ASTN2: variants seen among roughly 807,000 people sequenced by gnomAD.
The protein encoded by ASTN2 is astrotactin 2, also known as astrotactin-2.
A neutral mutation model predicts 139.8 loss-of-function variants in ASTN2; 54 were observed. That is an observed-to-expected ratio of 0.39 (90% confidence interval 0.31 to 0.48). The LOEUF (loss-of-function observed/expected upper bound fraction) is 0.48. Among genes scored for constraint, ASTN2 ranks in the 20% least tolerant of loss-of-function variants. The pLI, the probability that ASTN2 is intolerant of heterozygous loss-of-function variation, is 0.95. For missense variants in ASTN2, 1,565 were observed against 1,725.1 expected, an observed-to-expected ratio of 0.91 and a Z score of 1.64; for synonymous variants, 756 against 719.5, an observed-to-expected ratio of 1.05 and a Z score of -0.81.
intron 11 of ASTN2, among the ~76,000 whole-genome samples, chr9:116,825,776 G>A (rs373973398): frequency 3.2e-4 from 49 of 152,190 alleles, no homozygotes; most frequent in African/African-American, 1.0e-3. Flanking sequence ...CCTGACATAC[G>A]AAGTGCCTAA....
At chr9:116,838,135 A>T (rs1832072068) in intron 11 of ASTN2, among the ~76,000 whole-genome samples, 1 of 143,262 alleles carries the variant, frequency 7.0e-6, no homozygotes, top group Non-Finnish European at 1.5e-5. Flanking sequence ...TTTGAGACAG[A>T]GTCACGCTCT....
rs1861073701 is a variant in ASTN2, at chr9:116,699,611, C to CCTAA, written c.2806+26156_2806+26159dup. On this transcript the variant is annotated intron_variant, in intron 16 of 22. Transcript: ENST00000313400. The surrounding 1 kb of genome is among the most constrained non-coding windows in gnomAD (Gnocchi z 4.2). ...GACTTACCTGTCCGGTGGGCATAGC[C>CCTAA]CTAACTCCTAAGGGGCAGCTGCTGG... is the stretch of plus-strand genomic sequence containing the variant. 1 of 1,614,104 alleles carries CCTAA rather than the reference C, an allele frequency of 6.2e-7. No homozygotes were observed. The highest frequency in any genetic ancestry group is 8.5e-7 in the Non-Finnish European group (1 of 1,180,020).
chr9:116,797,586 G>C (rs1564272626), intron 13 of ASTN2, among the ~76,000 whole-genome samples: 1 of 152,306 alleles, frequency 6.6e-6, no homozygotes, highest in East Asian at 1.9e-4. Flanking sequence ...CTAAGAGCTT[G>C]AATACTGCAG....
rs185508786 is a variant in ASTN2 at position 116,859,008 on chromosome 9, T to C, written c.2040+4575A>G. On this transcript the variant is annotated intron_variant, in intron 11 of 22. Coordinates refer to ENST00000313400, the MANE Select transcript of ASTN2 (RefSeq NM_001365068.1). ...GCAGGGTTGCATTCCTTTCTGGAGG[T>C]TCCAGAGGTAAGTCTTTCTCTTTGC... Among the ~76,000 whole-genome samples, 21 of 152,258 alleles carry C rather than the reference T, an allele frequency of 1.4e-4. No individual in the cohort carries two copies. In the East Asian group the frequency reaches 2.9e-3, roughly 21 times the overall value.
intron 4 of ASTN2, among the ~76,000 whole-genome samples, chr9:117,129,367 G>A (rs530115619): frequency 6.6e-4 from 100 of 152,044 alleles, no homozygotes; most frequent in Non-Finnish European, 1.0e-3. Flanking sequence ...ACGACTTTCA[G>A]ACAGATAAAA....
chr9:117,378,020 T>A (rs1485172329), intron 1 of ASTN2, among the ~76,000 whole-genome samples: 1 of 152,240 alleles, frequency 6.6e-6, no homozygotes, highest in Admixed American at 6.5e-5. Context: ...AGAATGGAAC[T>A]ATCACTTTCT....
chr9:116,763,812 C>T lies in ASTN2; in HGVS notation c.2397-30289G>A, dbSNP rs969519490. Among the ~76,000 whole-genome samples, 4 of 152,174 alleles carry T rather than the reference C, an allele frequency of 2.6e-5. No homozygotes were observed. In the South Asian group the frequency reaches 8.3e-4, roughly 32 times the overall value. ...GTTAATAGTAGATACCCAGTAAGCT[C>T]TCCTATGGTTTCTTTTTTCTGCAAC... is the stretch of plus-strand genomic sequence containing the variant. On this transcript the variant is annotated intron_variant, in intron 13 of 22. Coordinates refer to ENST00000313400, the MANE Select transcript of ASTN2 (RefSeq NM_001365068.1).
At chr9:116,454,128 G>C (rs151225339) in intron 20 of ASTN2, among the ~76,000 whole-genome samples, 86 of 152,292 alleles carry the variant, frequency 5.6e-4, no homozygotes, top group African/African-American at 2.0e-3. Context: ...AAGGAAGAGG[G>C]AACACTGACA....
chr9:117,273,308 C>A (rs1031956214), intron 2 of ASTN2, among the ~76,000 whole-genome samples: 1 of 152,174 alleles, frequency 6.6e-6, no homozygotes, highest in Non-Finnish European at 1.5e-5. Flanking sequence ...CATGGGAATT[C>A]TGGAAGATAC....
At chr9:116,450,782 G>A (rs998547932) in intron 20 of ASTN2, among the ~76,000 whole-genome samples, 3 of 152,104 alleles carry the variant, frequency 2.0e-5, no homozygotes, top group African/African-American at 2.4e-5. Context: ...ACCCACCCTC[G>A]AGCACCAGAA....
chr9:117,382,630 C>T (rs192006882), intron 1 of ASTN2, among the ~76,000 whole-genome samples: 1 of 152,272 alleles, frequency 6.6e-6, no homozygotes, highest in East Asian at 1.9e-4. Flanking sequence ...TTTCAACACA[C>T]ACCCAACTCG....
At chr9:116,557,559 A>T (rs546576849) in intron 19 of ASTN2, 1 of 152,288 alleles carries the variant, frequency 6.6e-6, no homozygotes, top group Non-Finnish European at 1.5e-5. Flanking sequence ...ATGCCAAGAG[A>T]TGGATGGCCA....
At chr9:117,063,714 G>A (rs1839365287) in intron 5 of ASTN2, among the ~76,000 whole-genome samples, 1 of 152,104 alleles carries the variant, frequency 6.6e-6, no homozygotes, top group Non-Finnish European at 1.5e-5. Context: ...GCTAGCCTGG[G>A]AACACTGCCC....
intron 10 of ASTN2, among the ~76,000 whole-genome samples, chr9:116,953,999 G>A (rs1322646651): frequency 2.0e-5 from 3 of 152,120 alleles, no homozygotes; most frequent in Admixed American, 1.3e-4. Flanking sequence ...AAGCTTGGGC[G>A]GGTTACACAG....
In ASTN2 at chr9:116,429,339, GAAAA is replaced by G. The variant is rs34731241; in HGVS notation, c.3783-3255_3783-3252del. Among the ~76,000 whole-genome samples the G allele has an allele frequency of 6.6e-5, 6 of 90,848 alleles. No individual in the cohort carries two copies. The East Asian group carries it at 1.2e-3, about 18-fold the overall frequency. 59.6% of individuals were successfully genotyped at this position (90,848 alleles called of 152,430 possible). A position where few individuals can be genotyped will look rare whatever the true frequency, so the allele number is the denominator to read the frequency against. On this transcript the variant is annotated intron_variant, in intron 22 of 22. Transcript: ENST00000313400. ...GGGCAACAATAGCGAAACTCTATCTGAAAAAAAAAAAAAAAAAAAAAGTAACCAA... is the reference window on the plus strand; with the variant it reads ...GGGCAACAATAGCGAAACTCTATCTGAAAAAAAAAAAAAAAAAGTAACCAA...
At chr9:116,457,609 T>C (rs1237979354) in intron 20 of ASTN2, among the ~76,000 whole-genome samples, 1 of 152,162 alleles carries the variant, frequency 6.6e-6, no homozygotes, top group Non-Finnish European at 1.5e-5. Flanking sequence ...GTGCTCAACA[T>C]CATTGATCAT....
intron 4 of ASTN2, among the ~76,000 whole-genome samples, chr9:117,117,687 CTGAGT>C (rs1341246536): frequency 2.0e-5 from 3 of 152,208 alleles, no homozygotes; most frequent in African/African-American, 7.2e-5. Context: ...ATCCTGTTTG[CTGAGT>C]TATTAGCCTG....
intron 7 of ASTN2, among the ~76,000 whole-genome samples, chr9:116,994,031 A>G (rs962613859): frequency 6.6e-6 from 1 of 151,898 alleles, no homozygotes; most frequent in Middle Eastern, 3.2e-3. Context: ...CTTGATAAAT[A>G]TATACTGAAC....
chr9:117,137,108 C>G (rs1445477231), intron 4 of ASTN2, among the ~76,000 whole-genome samples: 1 of 152,180 alleles, frequency 6.6e-6, no homozygotes, highest in Non-Finnish European at 1.5e-5. Context: ...GGAGTGGCTC[C>G]TTAATAGCAG....
Sources: gnomAD v4.1 joint callset for allele counts (sites outside exome capture counted in the v4.1 genomes callset) on GRCh38, gnomAD v4.1.1 for gene constraint, Gnocchi (gnomAD v3.1) non-coding constraint, MANE v1.5 for transcripts, NCBI Gene and HGNC (gene_info 2026-07-23, HGNC 2026-07-21) for gene names.